The following BICC1 variants were observed in gnomAD, a reference collection of about 807,000 sequenced individuals.
BICC1 encodes BicC family RNA binding protein 1.
In BICC1, 43 loss-of-function variants were observed where a neutral mutation model predicts 111.0. The ratio of observed to expected loss-of-function variants is 0.39; its 90% confidence interval spans 0.30 to 0.50. The LOEUF (loss-of-function observed/expected upper bound fraction) is 0.50. Ranked by LOEUF, BICC1 falls within the 20% of genes least tolerant of loss-of-function variation. The probability of loss-of-function intolerance (pLI) is 0.88; values close to 1 mark genes in which losing one functional copy is unlikely to be tolerated. For synonymous variants in BICC1, 467 were observed against 434.4 expected (o/e 1.07, Z -0.93); for missense variants, 1,091 against 1,203.2 (o/e 0.91, Z 1.38).
chr10:58,635,870 A>T (rs1487360800), intron 2 of BICC1, among the ~76,000 whole-genome samples: 1 of 152,108 alleles, frequency 6.6e-6, no homozygotes, highest in Non-Finnish European at 1.5e-5. Context: ...CATTAGTTAT[A>T]TATTTAAAAG....
At chr10:58,685,069 G>T (rs989433169) in intron 2 of BICC1, among the ~76,000 whole-genome samples, 36 of 152,146 alleles carry the variant, frequency 2.4e-4, no homozygotes, top group Non-Finnish European at 3.8e-4. Context: ...GGTATGTTGT[G>T]TCTTTGTTCT....
chr10:58,633,668 T>C (rs1010792050), intron 2 of BICC1, among the ~76,000 whole-genome samples: 2 of 152,230 alleles, frequency 1.3e-5, no homozygotes, highest in Admixed American at 6.5e-5. Flanking sequence ...AAATGTATTT[T>C]CCAGGAAAAC....
At chr10:58,519,846 G>A (rs1479267666) in intron 1 of BICC1, among the ~76,000 whole-genome samples, 1 of 150,952 alleles carries the variant, frequency 6.6e-6, no homozygotes, top group African/African-American at 2.4e-5. Context: ...CATGTCAAAT[G>A]TTTTTTTTTC....
intron 1 of BICC1, among the ~76,000 whole-genome samples, chr10:58,571,231 C>T (rs1201741439): frequency 6.6e-6 from 1 of 152,066 alleles, no homozygotes; most frequent in East Asian, 1.9e-4. Context: ...CTTTGTTTTC[C>T]CTGGGCCTAT....
At chr10:58,733,917 G>A (rs1437170619) in intron 3 of BICC1, among the ~76,000 whole-genome samples, 1 of 152,170 alleles carries the variant, frequency 6.6e-6, no homozygotes, top group African/African-American at 2.4e-5. Context: ...GAAATTATGG[G>A]CAAGTTATTG....
chr10:58,551,973 A>C (rs1360528679), intron 1 of BICC1, among the ~76,000 whole-genome samples: 16 of 145,342 alleles, frequency 1.1e-4, no homozygotes, highest in African/African-American at 4.1e-4. Context: ...TTGGGGGGGG[A>C]TAGACTCTCC....
chr10:58,675,414 A>G (rs149355043), intron 2 of BICC1, among the ~76,000 whole-genome samples: 1 of 152,184 alleles, frequency 6.6e-6, no homozygotes, highest in Non-Finnish European at 1.5e-5. Context: ...TGGTATATAT[A>G]TATAATAAAA....
intron 1 of BICC1, among the ~76,000 whole-genome samples, chr10:58,563,509 G>T (rs1843669479): frequency 6.6e-6 from 1 of 152,130 alleles, no homozygotes; most frequent in East Asian, 1.9e-4. Context: ...TTCCTTCTCT[G>T]TGATACTATC....
chr10:58,674,868 G>C (rs1202769718), intron 2 of BICC1, among the ~76,000 whole-genome samples: 16 of 152,180 alleles, frequency 1.1e-4, no homozygotes, highest in Admixed American at 9.8e-4. Context: ...TAAAACTTAA[G>C]AGGCTGGTTG....
chr10:58,807,247 C>G, intron 17 of BICC1, 89 bp downstream of exon 17: 1 of 1,287,600 alleles, frequency 7.8e-7, no homozygotes, highest in Non-Finnish European at 1.1e-6. Context: ...CTTTATGTAC[C>G]TAAGGGAAAA....
intron 1 of BICC1, among the ~76,000 whole-genome samples, chr10:58,591,012 C>A (rs1054625982): frequency 3.3e-5 from 5 of 152,204 alleles, no homozygotes; most frequent in Non-Finnish European, 7.3e-5. Context: ...CCCCTCCCTT[C>A]CCTCAAAGGC....
chr10:58,534,868 TTTTTTAAAGAGATAGA>T (rs1842786990), intron 1 of BICC1, among the ~76,000 whole-genome samples: 1 of 151,534 alleles, frequency 6.6e-6, no homozygotes, highest in Admixed American at 6.6e-5. Context: ...TGAAAAATTT[TTTTTTAAAGAGATAGA>T]TTTTTAAAAG....
intron 3 of BICC1, among the ~76,000 whole-genome samples, chr10:58,710,876 A>T (rs928734092): frequency 6.6e-6 from 1 of 151,920 alleles, no homozygotes; most frequent in African/African-American, 2.4e-5. Context: ...TGAGATAGGG[A>T]CTTGCTCCTT....
intron 1 of BICC1, among the ~76,000 whole-genome samples, chr10:58,565,126 G>C (rs960359684): frequency 2.0e-5 from 3 of 152,094 alleles, no homozygotes; most frequent in Non-Finnish European, 4.4e-5. Flanking sequence ...GAAAAAATTT[G>C]TATGTTTGCA....
intron 3 of BICC1, among the ~76,000 whole-genome samples, chr10:58,740,801 G>A (rs759865852): frequency 8.5e-5 from 13 of 152,260 alleles, no homozygotes; most frequent in African/African-American, 2.4e-4. Context: ...TGAATTGTTC[G>A]CCAGATGGAG....
At chr10:58,549,930 C>G (rs1359051069) in intron 1 of BICC1, among the ~76,000 whole-genome samples, 1 of 151,996 alleles carries the variant, frequency 6.6e-6, no homozygotes, top group Non-Finnish European at 1.5e-5. Context: ...CTCAGGTGAT[C>G]CACCTGCCTC....
intron 20 of BICC1, chr10:58,823,947 C>G: frequency 2.0e-6 from 2 of 985,350 alleles, no homozygotes; most frequent in Non-Finnish European, 2.4e-6. Context: ...TCTGGAGGAA[C>G]TTGAAACAAC....
intron 3 of BICC1, among the ~76,000 whole-genome samples, chr10:58,721,304 AG>A (rs1346276101): frequency 6.6e-6 from 1 of 152,206 alleles, no homozygotes; most frequent in Non-Finnish European, 1.5e-5. Context: ...TCACCTCCCC[AG>A]TTCACTATGC....
chr10:58,607,055 G>A (rs868449532), intron 1 of BICC1, among the ~76,000 whole-genome samples: 7 of 152,030 alleles, frequency 4.6e-5, no homozygotes, highest in African/African-American at 9.7e-5. Context: ...GGTGTCTCAC[G>A]CCTGTAATTC....
Sources: gnomAD v4.1 joint callset for allele counts (sites outside exome capture counted in the v4.1 genomes callset) on GRCh38, gnomAD v4.1.1 for gene constraint, MANE v1.5 for transcripts, NCBI Gene and HGNC (gene_info 2026-07-23, HGNC 2026-07-21) for gene names.